Variants in ICA1 observed in about 807,000 individuals in gnomAD.
The protein encoded by ICA1 is islet cell autoantigen 1, also known as 69 kDa islet cell autoantigen.
Under a neutral mutation model 71.0 loss-of-function variants are expected in ICA1, and 40 were observed. The observed-to-expected ratio is 0.56, with a 90% confidence interval of 0.44 to 0.73. ICA1 has a LOEUF of 0.73. Ranked by LOEUF, ICA1 falls within the 30% of genes least tolerant of loss-of-function variation. ICA1 has a pLI of 0.00. For missense variants in ICA1, 578 were observed against 576.5 expected (o/e 1.00, Z -0.03); for synonymous variants, 207 against 209.5 (o/e 0.99, Z 0.10).
At chr7:8,166,280 G>A (rs1008324081) in intron 6 of ICA1, among the ~76,000 whole-genome samples, 5 of 151,962 alleles carry the variant, frequency 3.3e-5, no homozygotes, top group East Asian at 1.9e-4. Flanking sequence ...AGCATGGAAC[G>A]GGTACAAAAA....
intron 6 of ICA1, among the ~76,000 whole-genome samples, chr7:8,171,630 C>T (rs1808381373): frequency 1.3e-5 from 2 of 151,778 alleles, no homozygotes; most frequent in South Asian, 4.1e-4. Flanking sequence ...TTTGCCCCTG[C>T]TCTTAATTAC....
At chr7:8,208,902 G>C (rs1390064947) in intron 6 of ICA1, among the ~76,000 whole-genome samples, 1 of 152,186 alleles carries the variant, frequency 6.6e-6, no homozygotes, top group Non-Finnish European at 1.5e-5. Flanking sequence ...AAGCTGCTGA[G>C]GCACTGAGGA....
chr7:8,179,664 T>G (rs1350739290), intron 6 of ICA1, among the ~76,000 whole-genome samples: 1 of 152,204 alleles, frequency 6.6e-6, no homozygotes, highest in Non-Finnish European at 1.5e-5. Context: ...CAGATGACTC[T>G]CTGGTGAACT....
Position 8,216,746 on chromosome 7 carries a change from C to G in ICA1, c.579+1559G>C, listed in dbSNP as rs143315084. The stretch of plus-strand genomic sequence containing the variant: ...CCTTTTTCAATTTTAGGTATTCTCT[C>G]TTAGAGAAGAAAATTATGTGTATTT... On this transcript the variant is annotated intron_variant, in intron 6 of 13. Transcript: ENST00000402384. Among the ~76,000 whole-genome samples, 127 of 152,274 alleles carry G rather than the reference C, an allele frequency of 8.3e-4. 3 individuals carry two copies. The East Asian group carries it at 0.021, about 26-fold the overall frequency.
intron 13 of ICA1, among the ~76,000 whole-genome samples, chr7:8,124,165 G>A (rs1193235109): frequency 1.4e-5 from 2 of 138,406 alleles, no homozygotes; most frequent in Non-Finnish European, 3.0e-5. Flanking sequence ...CTGTCGCCCA[G>A]GCTGGAGTGC....
intron 6 of ICA1, among the ~76,000 whole-genome samples, chr7:8,207,866 C>A (rs1792163214): frequency 6.6e-6 from 1 of 152,168 alleles, no homozygotes; most frequent in African/African-American, 2.4e-5. Context: ...CTTCCGATAG[C>A]TCAAACACTA....
intron 6 of ICA1, among the ~76,000 whole-genome samples, chr7:8,168,779 T>G (rs1807123880): frequency 6.6e-6 from 1 of 152,186 alleles, no homozygotes; most frequent in Admixed American, 6.5e-5. Context: ...GGGAAAAGTA[T>G]GCAGAGAGGG....
At chr7:8,183,911 C>A (rs114144162) in intron 6 of ICA1, among the ~76,000 whole-genome samples, 2,051 of 152,042 alleles carry the variant, frequency 0.013, 36 homozygotes, top group East Asian at 0.075. Context: ...TGGGCACAAA[C>A]AATATATAAA....
At position 8,135,173 on chromosome 7, in the gene ICA1, C is replaced by G. The variant is rs184595662; in HGVS notation, c.1060+3667G>C. 2.4e-4 allele frequency among the ~76,000 whole-genome samples: 37 copies of G among 152,118 alleles called. No individual in the cohort carries two copies. In the East Asian group the frequency reaches 5.8e-3, roughly 24 times the overall value. The stretch of plus-strand genomic sequence containing the variant: ...TCCAGAGTAGCTGGGATTACAGATG[C>G]CCATCACCAGGCCTGGCTAATTTTT... On this transcript the variant is annotated intron_variant, in intron 12 of 13. Coordinates refer to ENST00000402384, the MANE Select transcript of ICA1 (RefSeq NM_001136020.3).
At chr7:8,185,057 G>A (rs887505305) in intron 6 of ICA1, among the ~76,000 whole-genome samples, 3 of 150,828 alleles carry the variant, frequency 2.0e-5, no homozygotes, top group Non-Finnish European at 4.4e-5. Flanking sequence ...CTGGGCAACA[G>A]AGTGAGACTA....
intron 13 of ICA1, chr7:8,115,012 T>A (rs1254900493): frequency 2.0e-5 from 3 of 152,172 alleles, no homozygotes; most frequent in Non-Finnish European, 2.9e-5. Context: ...TAAAAGTGGT[T>A]AGTGAGGGGA....
At chr7:8,161,015 G>C (rs995674905) in intron 6 of ICA1, among the ~76,000 whole-genome samples, 1 of 152,236 alleles carries the variant, frequency 6.6e-6, no homozygotes, top group African/African-American at 2.4e-5. Flanking sequence ...GGCCGCCTCA[G>C]CTGGGGTCCT....
intron 6 of ICA1, among the ~76,000 whole-genome samples, chr7:8,216,947 A>C (rs1052510509): frequency 6.6e-6 from 1 of 152,238 alleles, no homozygotes; most frequent in African/African-American, 2.4e-5. Context: ...CACCCTCTTC[A>C]TTCTCCTCAA....
intron 1 of ICA1, among the ~76,000 whole-genome samples, chr7:8,240,378 C>T (rs1583660280): frequency 6.6e-6 from 1 of 152,126 alleles, no homozygotes; most frequent in African/African-American, 2.4e-5. Context: ...CCAACATCAA[C>T]AAAAAGGACA....
intron 6 of ICA1, among the ~76,000 whole-genome samples, chr7:8,207,972 A>G (rs777420456): frequency 6.6e-6 from 1 of 152,188 alleles, no homozygotes; most frequent in Admixed American, 6.5e-5. Flanking sequence ...TGACTCCATT[A>G]TAGGGCCAAT....
At chr7:8,165,795 CTT>C (rs1163385291) in intron 6 of ICA1, among the ~76,000 whole-genome samples, 1 of 152,168 alleles carries the variant, frequency 6.6e-6, no homozygotes, top group Non-Finnish European at 1.5e-5. Flanking sequence ...GAATAAAACA[CTT>C]AGGAATACAG....
At chr7:8,127,757 T>G in intron 13 of ICA1, 116 bp downstream of exon 13, 1 of 1,157,488 alleles carries the variant, frequency 8.6e-7, no homozygotes, top group Non-Finnish European at 1.2e-6. Flanking sequence ...AGTTAAAAAG[T>G]CAATAAAAAT....
chr7:8,219,549 G>GTT (rs1181767486), intron 5 of ICA1, among the ~76,000 whole-genome samples: 11 of 152,270 alleles, frequency 7.2e-5, no homozygotes, highest in African/African-American at 2.4e-4. Flanking sequence ...CTTCTTCTCT[G>GTT]TAAAGTATTG....
At chr7:8,147,642 G>A (rs1208358429) in intron 8 of ICA1, among the ~76,000 whole-genome samples, 1 of 151,310 alleles carries the variant, frequency 6.6e-6, no homozygotes, top group African/African-American at 2.4e-5. Context: ...TTGATACTGA[G>A]CACATGGACT....
Sources: allele counts gnomAD v4.1 joint callset (sites outside exome capture counted in the v4.1 genomes callset), GRCh38; gene constraint gnomAD v4.1.1; transcripts MANE v1.5; gene names NCBI Gene and HGNC (gene_info 2026-07-23, HGNC 2026-07-21).